The following ZNF619 variants were observed in gnomAD, a reference collection of about 807,000 sequenced individuals.
The protein encoded by ZNF619 is zinc finger protein 619.
A neutral mutation model predicts 14.2 loss-of-function variants in ZNF619; 9 were observed. The ratio of observed to expected loss-of-function variants is 0.64; its 90% confidence interval spans 0.38 to 1.11. The LOEUF is 1.11. Among genes scored for constraint, ZNF619 ranks in the 50% least tolerant of loss-of-function variants. The pLI, the probability that ZNF619 is intolerant of heterozygous loss-of-function variation, is 0.01. For synonymous variants in ZNF619, 246 were observed against 252.8 expected (o/e 0.97, Z 0.26); for missense variants, 659 against 680.1 (o/e 0.97, Z 0.34).
In ZNF619 at chr3:40,483,285, G is replaced by A. The variant is rs529003476; in HGVS notation, c.295+581G>A. ...TATAAACACAATATAGTAAGAACTT[G>A]GTTTTGGTTTTTTTTTTTTTTTTGA... On this transcript the variant is annotated intron_variant, in intron 4 of 4. Coordinates refer to ENST00000432264, the MANE Select transcript of ZNF619 (RefSeq NM_001145093.4). 1.4e-4 allele frequency among the ~76,000 whole-genome samples: 22 copies of A among 151,846 alleles called. 1 individual carries two copies. In the South Asian group the frequency reaches 4.6e-3, roughly 32 times the overall value.
chr3:40,487,186 C>A lies in ZNF619; in HGVS notation c.676C>A (p.His226Asn), dbSNP rs1697624463. The change falls in exon 5 of 5, where the codon CAC becomes AAC. Residue 226 changes from histidine (H) to asparagine (N), a missense_variant. His to Asn is a moderately conservative substitution (Grantham distance 68). Transcript: ENST00000432264. The part of the protein sequence containing the change: ...HSDFHLHQRV[H>N]TNEKPYTCKE... The stretch of plus-strand genomic sequence containing the variant: ...AGACTTTCACCTGCATCAGAGAGTT[C>A]ACACTAATGAGAAGCCCTACACATG... 1 of 1,614,170 alleles carries A rather than the reference C, an allele frequency of 6.2e-7. No individual in the cohort carries two copies. The highest frequency in any genetic ancestry group is 8.5e-7 in the Non-Finnish European group (1 of 1,180,044).
intron 4 of ZNF619, 148 bp from the exon 5 acceptor site, chr3:40,486,658 G>C: frequency 1.7e-6 from 1 of 583,292 alleles, no homozygotes. Context: ...CCGAGATCAT[G>C]CCATTGCACT....
rs1697624616 is a variant in ZNF619 at position 40,487,189 on chromosome 3, A to G, written c.679A>G (p.Thr227Ala). 1.9e-6 allele frequency: 3 copies of G among 1,614,206 alleles called. No individual in the cohort carries two copies. Among genetic ancestry groups the G allele is most frequent in the East Asian group, 4.5e-5 (2 of 44,888 alleles). The change falls in exon 5 of 5, where the codon ACT (threonine) becomes GCT (alanine). Residue 227 changes from threonine to alanine, a missense_variant. By Grantham distance (58) the Thr-to-Ala change is moderately conservative (BLOSUM62 0). Coordinates refer to ENST00000432264, the MANE Select transcript of ZNF619 (RefSeq NM_001145093.4). ...CTTTCACCTGCATCAGAGAGTTCACACTAATGAGAAGCCCTACACATGCAA... is the reference window on the plus strand; with the variant it reads ...CTTTCACCTGCATCAGAGAGTTCACGCTAATGAGAAGCCCTACACATGCAA... ...SDFHLHQRVHTNEKPYTCKEC... is the reference protein window; with the variant it reads ...SDFHLHQRVHANEKPYTCKEC...
Position 40,487,582 on chromosome 3 carries a change from G to C in ZNF619, c.1072G>C (p.Val358Leu). ...TGGGAAGAGTTTGAGTTCTAATTCA[G>C]TTCTGATTCAGCATCAGAGAATCCA... ...ECGKSLSSNS[V>L]LIQHQRIHTG... The change falls in exon 5 of 5, where the codon GTT becomes CTT. Residue 358 changes from valine (V) to leucine (L), a missense_variant. Val to Leu is a conservative substitution (Grantham distance 32). Transcript: ENST00000432264. 6.2e-7 allele frequency: 1 copy of C among 1,613,682 alleles called. No homozygotes were observed. Among genetic ancestry groups the C allele is most frequent in the African/African-American group, 1.3e-5 (1 of 74,890 alleles).
rs1242401014 is a variant in ZNF619, at chr3:40,488,476, T to G, written c.*235T>G. 2.0e-6 allele frequency: 1 copy of G among 498,270 alleles called. No homozygotes were observed. The highest frequency in any genetic ancestry group is 3.5e-6 in the Non-Finnish European group (1 of 284,982). 30.9% of individuals were successfully genotyped at this position (498,270 alleles called of 1,614,324 possible). ...CCACATTTGGGCTGTATTATCAGTC[T>G]GCATCTCTCTTCTGGGGCTACTGGA... On this transcript the variant is annotated 3_prime_UTR_variant, in exon 5 of 5. Coordinates refer to ENST00000432264, the MANE Select transcript of ZNF619 (RefSeq NM_001145093.4).
At chr3:40,482,494 C>A in intron 3 of ZNF619, 94 bp from the exon 4 acceptor site, 1 of 1,548,870 alleles carries the variant, frequency 6.5e-7, no homozygotes, top group Non-Finnish European at 8.9e-7. Flanking sequence ...CCTGGGCCAT[C>A]CTCTTCTATT....
At chr3:40,477,809 G>C in intron 1 of ZNF619, 109 bp from the exon 2 acceptor site, 1 of 625,016 alleles carries the variant, frequency 1.6e-6, no homozygotes, top group Non-Finnish European at 2.9e-6. Flanking sequence ...GTGAATGACA[G>C]CAGCTAGTGT....
chr3:40,490,264 C>G lies in ZNF619; in HGVS notation c.*2023C>G, dbSNP rs1196166139. ...CCAGTCTATGGTATTCAGTTAGAGC[C>G]ACACAAAATGTAACAAGACAGAATA... On this transcript the variant is annotated 3_prime_UTR_variant, in exon 5 of 5. Coordinates refer to ENST00000432264, the MANE Select transcript of ZNF619 (RefSeq NM_001145093.4). 1 of 152,132 alleles carries G rather than the reference C, an allele frequency of 6.6e-6. No individual in the cohort carries two copies. The highest frequency in any genetic ancestry group is 1.5e-5 in the Non-Finnish European group (1 of 68,040). The allele number at this position is 152,132 out of a possible 1,614,324, so 9.4% of individuals were successfully genotyped here.
intron 2 of ZNF619, 72 bp from the exon 3 acceptor site, chr3:40,481,791 G>A (rs1697402102): frequency 1.3e-6 from 2 of 1,536,020 alleles, no homozygotes; most frequent in African/African-American, 1.4e-5. Flanking sequence ...CTTCCATGGG[G>A]CTCAGTGCCA....
At chr3:40,483,726 A>G in intron 4 of ZNF619, 1 of 422,900 alleles carries the variant, frequency 2.4e-6, no homozygotes, top group Non-Finnish European at 4.7e-6. Context: ...CCTTCCAGGT[A>G]CAAGCGATTC....
rs192790768 is a variant in ZNF619 at position 40,487,972 on chromosome 3, G to A, written c.1462G>A (p.Gly488Arg). 2.0e-5 allele frequency: 33 copies of A among 1,614,108 alleles called. No individual in the cohort carries two copies. The South Asian group carries it at 3.6e-4, about 18-fold the overall frequency. Residue 488 changes from glycine to arginine, a missense_variant, in exon 5 of 5, where the codon GGG (glycine) becomes AGG (arginine). By Grantham distance (125) the Gly-to-Arg change is moderately radical. Transcript: ENST00000432264. The part of the protein sequence containing the change: ...HTRKKLINGT[G>R]LSAVKPYCPC... ...TAGGAAGAAACTCATCAATGGAACAGGGCTATCCGCAGTTAAGCCCTACTG... is the reference window on the plus strand; with the variant it reads ...TAGGAAGAAACTCATCAATGGAACAAGGCTATCCGCAGTTAAGCCCTACTG...
Position 40,486,853 on chromosome 3 carries a change from A to C in ZNF619, c.343A>C (p.Ile115Leu), listed in dbSNP as rs776841741. ...ENEEKTAQLN[I>L]SKESESHRLI... is the part of the protein sequence containing the mutation. ...TGAGGAAAAAACTGCACAGCTAAAC[A>C]TTTCTAAAGAATCAGAGTCCCACAG... is the stretch of plus-strand genomic sequence containing the variant. The change falls in exon 5 of 5, where the codon ATT (isoleucine) becomes CTT (leucine). Residue 115 changes from isoleucine to leucine, a missense_variant. Ile to Leu is a conservative substitution (Grantham distance 5, BLOSUM62 2). Coordinates refer to ENST00000432264, the MANE Select transcript of ZNF619 (RefSeq NM_001145093.4). 52 of 1,611,224 alleles carry C rather than the reference A, an allele frequency of 3.2e-5. No homozygotes were observed. Among genetic ancestry groups the C allele is most frequent in the Non-Finnish European group, 4.3e-5 (51 of 1,179,294 alleles).
intron 2 of ZNF619, 34 bp downstream of exon 2, chr3:40,478,037 AG>A: frequency 1.3e-6 from 2 of 1,548,944 alleles, no homozygotes; most frequent in Non-Finnish European, 1.7e-6. Context: ...TTCCATACTC[AG>A]AACAGATATG....
chr3:40,481,745 C>T, intron 2 of ZNF619, 118 bp from the exon 3 acceptor site: 1 of 1,365,946 alleles, frequency 7.3e-7, no homozygotes, highest in Non-Finnish European at 9.9e-7. Context: ...GCTGCCCCTG[C>T]TGGGGTCCTG....
At position 40,482,088 on chromosome 3, in the gene ZNF619, A is replaced by C. The variant is rs570185945; in HGVS notation, c.178+72A>C. ...TCCTAGATTCCTCCTTAGCAGAACT[A>C]GGATCTCTTTAATACCATCAGAATT... On this transcript the variant is annotated intron_variant, in intron 3 of 4. Coordinates refer to ENST00000432264, the MANE Select transcript of ZNF619 (RefSeq NM_001145093.4). The C allele has an allele frequency of 3.2e-6, 5 of 1,553,796 alleles. No homozygotes were observed. In the African/African-American group the frequency reaches 6.9e-5, roughly 21 times the overall value.
At chr3:40,482,424 T>G in intron 3 of ZNF619, 164 bp from the exon 4 acceptor site, 1 of 1,598,374 alleles carries the variant, frequency 6.3e-7, no homozygotes, top group Non-Finnish European at 8.5e-7. Flanking sequence ...GAGGCCAGAG[T>G]AAGCTTCAAG....
chr3:40,486,886 G>A lies in ZNF619; in HGVS notation c.376G>A (p.Val126Met). 6.2e-7 allele frequency: 1 copy of A among 1,614,210 alleles called. No homozygotes were observed. Among genetic ancestry groups the A allele is most frequent in the African/African-American group, 1.3e-5 (1 of 75,048 alleles). ...SKESESHRLIVEGLLMDVPQH... is the reference protein window; with the variant it reads ...SKESESHRLIMEGLLMDVPQH... ...AGAATCAGAGTCCCACAGACTGATA[G>A]TGGAGGGACTGCTGATGGACGTTCC... Residue 126 changes from valine (V) to methionine (M), a missense_variant, in exon 5 of 5, where the codon GTG (valine) becomes ATG (methionine). Transcript: ENST00000432264.
rs1575268602 is a variant in ZNF619, at chr3:40,484,201, C to T, written c.295+1497C>T. 2.0e-5 allele frequency among the ~76,000 whole-genome samples: 3 copies of T among 152,340 alleles called. No individual in the cohort carries two copies. In the South Asian group the frequency reaches 6.2e-4, roughly 32 times the overall value. ...TCAGCCTCCCCAAGTGCTGGGATTA[C>T]AGGCATGAGCCACCGCGCCCAGCTA... is the stretch of plus-strand genomic sequence containing the variant. On this transcript the variant is annotated intron_variant, in intron 4 of 4. Coordinates refer to ENST00000432264, the MANE Select transcript of ZNF619 (RefSeq NM_001145093.4).
At chr3:40,484,957 AT>A (rs895939482) in intron 4 of ZNF619, among the ~76,000 whole-genome samples, 24 of 151,964 alleles carry the variant, frequency 1.6e-4, no homozygotes, top group Admixed American at 1.3e-3. Context: ...GAGAATGTGC[AT>A]TTCTTTTTCT....
Sources: allele counts gnomAD v4.1 joint callset (sites outside exome capture counted in the v4.1 genomes callset), GRCh38; gene constraint gnomAD v4.1.1; transcripts MANE v1.5; gene names NCBI Gene and HGNC (gene_info 2026-07-23, HGNC 2026-07-21).